The following UNC13C variants were observed in gnomAD, a reference collection of about 807,000 sequenced individuals.
UNC13C encodes the protein protein unc-13 homolog C.
Under a neutral mutation model 245.4 loss-of-function variants are expected in UNC13C, and 174 were observed. The ratio of observed to expected loss-of-function variants is 0.71; its 90% CI spans 0.63 to 0.80. The LOEUF (loss-of-function observed/expected upper bound fraction) is 0.80, where lower values mean the gene tolerates loss of function less well. Ranked by LOEUF, UNC13C falls within the 30% of genes least tolerant of loss-of-function variation. The probability of loss-of-function intolerance (pLI) is 0.00; values close to 1 mark genes in which losing one functional copy is unlikely to be tolerated. For missense variants in UNC13C, 2,829 were observed against 2,602.9 expected, an observed-to-expected ratio of 1.09 and a Z score of -1.89; for synonymous variants, 992 against 895.1, an observed-to-expected ratio of 1.11 and a Z score of -1.93.
intron 1 of UNC13C, among the ~76,000 whole-genome samples, chr15:53,982,864 C>G (rs890813673): frequency 2.0e-5 from 3 of 152,120 alleles, no homozygotes; most frequent in Non-Finnish European, 4.4e-5. Context: ...TGTGCAGACT[C>G]TGTAGGCTTG....
chr15:54,006,873 G>A (rs1001677496), intron 1 of UNC13C, among the ~76,000 whole-genome samples: 5 of 152,088 alleles, frequency 3.3e-5, no homozygotes, highest in Non-Finnish European at 7.3e-5. Context: ...TGCTTATAAA[G>A]TTACTTGGTC....
At chr15:54,580,810 G>A (rs985771958) in intron 30 of UNC13C, among the ~76,000 whole-genome samples, 8 of 152,146 alleles carry the variant, frequency 5.3e-5, no homozygotes, top group Admixed American at 2.6e-4. Context: ...CAGTAATCAC[G>A]TGTTCCTCTG....
chr15:54,301,045 A>G (rs761434504), intron 13 of UNC13C, among the ~76,000 whole-genome samples: 2 of 152,204 alleles, frequency 1.3e-5, no homozygotes, highest in Non-Finnish European at 2.9e-5. Context: ...AGTAATGAAC[A>G]GAAGTATTCA....
At chr15:54,332,169 G>A (rs1328894250) in intron 15 of UNC13C, 58 bp downstream of exon 15, 3 of 1,240,346 alleles carry the variant, frequency 2.4e-6, no homozygotes, top group African/African-American at 1.5e-5. Flanking sequence ...AGAATTTCTT[G>A]CCATATTGTA....
chr15:54,490,149 C>G (rs1893629368), intron 19 of UNC13C, among the ~76,000 whole-genome samples: 1 of 152,122 alleles, frequency 6.6e-6, no homozygotes, highest in African/African-American at 2.4e-5. Flanking sequence ...AGTAATTTTT[C>G]TAATGTTTTT....
chr15:54,326,312 A>C (rs2038296867), intron 14 of UNC13C, among the ~76,000 whole-genome samples: 1 of 152,082 alleles, frequency 6.6e-6, no homozygotes, highest in African/African-American at 2.4e-5. Flanking sequence ...ACTGAGGGGA[A>C]TACAAAAAAG....
In UNC13C at chr15:54,027,294, A is replaced by G. The variant is rs527725658; in HGVS notation, c.2983+11408A>G. 3.9e-5 allele frequency among the ~76,000 whole-genome samples: 6 copies of G among 152,318 alleles called. No individual in the cohort carries two copies. The East Asian group carries it at 9.6e-4, about 24-fold the overall frequency. On this transcript the variant is annotated intron_variant, in intron 2 of 32. Transcript: ENST00000260323. Reference sequence around the variant, plus strand: ...GATTTTATTTTTACTCCTAGACACTATGGAAAGCCATGGAAGAAGAGTAAG... The same window carrying G: ...GATTTTATTTTTACTCCTAGACACTGTGGAAAGCCATGGAAGAAGAGTAAG...
At chr15:54,552,426 AATATAATTATATATTACAATAT>A (rs1275179166) in intron 28 of UNC13C, among the ~76,000 whole-genome samples, 1 of 846 alleles carries the variant, frequency 1.2e-3, no homozygotes, top group Non-Finnish European at 2.7e-3. Flanking sequence ...TACAATATAT[AATATAATTATATATTACAATAT>A]ATAATATAAT....
intron 21 of UNC13C, among the ~76,000 whole-genome samples, chr15:54,500,547 C>G (rs1448644677): frequency 6.6e-6 from 1 of 152,040 alleles, no homozygotes; most frequent in African/African-American, 2.4e-5. Context: ...TGAGCCACAA[C>G]CGTCTTGCTA....
the UNC13C span, among the ~76,000 whole-genome samples, chr15:53,853,672 TTAA>T: frequency 6.6e-6 from 1 of 152,220 alleles, no homozygotes; most frequent in African/African-American, 2.4e-5. Context: ...TTCTGACTTT[TTAA>T]TAATAGCCAT....
chr15:54,536,395 A>C (rs1895982405), intron 26 of UNC13C, among the ~76,000 whole-genome samples: 1 of 152,060 alleles, frequency 6.6e-6, no homozygotes, highest in Admixed American at 6.6e-5. Flanking sequence ...GCCAAATTTT[A>C]TGAGATGCGT....
At chr15:53,853,218 C>A in the UNC13C span, among the ~76,000 whole-genome samples, 3 of 152,090 alleles carry the variant, frequency 2.0e-5, no homozygotes, top group Non-Finnish European at 2.9e-5. Context: ...TCTTCCCCAC[C>A]ATGTGTCTAT....
At chr15:54,089,492 T>G (rs1899439072) in intron 2 of UNC13C, among the ~76,000 whole-genome samples, 1 of 152,100 alleles carries the variant, frequency 6.6e-6, no homozygotes. Context: ...TCTTCAAGGT[T>G]AGAGGAGAAA....
At chr15:54,440,849 A>G (rs1178767956) in intron 19 of UNC13C, among the ~76,000 whole-genome samples, 1 of 151,994 alleles carries the variant, frequency 6.6e-6, no homozygotes, top group Non-Finnish European at 1.5e-5. Flanking sequence ...AATAATAGCT[A>G]TTCTAACTGG....
chr15:53,900,940 T>C, the UNC13C span, among the ~76,000 whole-genome samples: 27 of 152,124 alleles, frequency 1.8e-4, no homozygotes, highest in African/African-American at 6.0e-4. Flanking sequence ...TTTTCAACAT[T>C]AGTCTTGATA....
intron 4 of UNC13C, among the ~76,000 whole-genome samples, chr15:54,199,355 C>G (rs895804063): frequency 6.6e-6 from 1 of 152,014 alleles, no homozygotes; most frequent in Admixed American, 6.6e-5. Flanking sequence ...CTGGGAAATT[C>G]ATTGTAAAAT....
chr15:54,503,589 T>C (rs517892), intron 22 of UNC13C, among the ~76,000 whole-genome samples: 58,517 of 151,858 alleles, frequency 0.39, 11,431 homozygotes, highest in Middle Eastern at 0.42. Context: ...TTCACCACCA[T>C]ACCCGGCTAA....
intron 17 of UNC13C, among the ~76,000 whole-genome samples, chr15:54,362,145 T>C (rs1206535121): frequency 2.0e-5 from 3 of 152,204 alleles, no homozygotes; most frequent in African/African-American, 7.2e-5. Flanking sequence ...TGTGTACCAC[T>C]CACTGTGATA....
the UNC13C span, among the ~76,000 whole-genome samples, chr15:53,934,855 T>G: frequency 0.67 from 101,065 of 151,870 alleles, 33,860 homozygotes; most frequent in East Asian, 0.85. Context: ...TTTTAATAGG[T>G]TACTAATCCC....
Sources: allele counts gnomAD v4.1 joint callset (sites outside exome capture counted in the v4.1 genomes callset), GRCh38; gene constraint gnomAD v4.1.1; transcripts MANE v1.5; gene names NCBI Gene and HGNC (gene_info 2026-07-23, HGNC 2026-07-21).